Variants in SLC35F1 observed in about 807,000 individuals in gnomAD.
SLC35F1 encodes solute carrier family 35 member F1.
A neutral mutation model predicts 48.7 loss-of-function variants in SLC35F1; 14 were observed. That is an observed-to-expected ratio of 0.29 (90% CI 0.19 to 0.45). SLC35F1 has a LOEUF of 0.45. Among genes scored for constraint, SLC35F1 ranks in the 20% least tolerant of loss-of-function variants. The pLI is 1.00. For synonymous variants in SLC35F1, 190 were observed against 202.2 expected, an observed-to-expected ratio of 0.94 and a Z score of 0.51; for missense variants, 404 against 500.0, an observed-to-expected ratio of 0.81 and a Z score of 1.83.
intron 4 of SLC35F1, among the ~76,000 whole-genome samples, chr6:118,273,816 C>T (rs1775887388): frequency 6.6e-6 from 1 of 152,198 alleles, no homozygotes; most frequent in Admixed American, 6.5e-5. Context: ...CCAGCTCTCA[C>T]AAAATCCCAT....
chr6:118,023,049 T>C (rs1777417363), intron 1 of SLC35F1, among the ~76,000 whole-genome samples: 1 of 152,138 alleles, frequency 6.6e-6, no homozygotes, highest in Non-Finnish European at 1.5e-5. Context: ...TGAGCCACCA[T>C]GCCCGGCCGG....
At chr6:117,915,619 A>T (rs371364698) in intron 1 of SLC35F1, among the ~76,000 whole-genome samples, 6 of 152,320 alleles carry the variant, frequency 3.9e-5, no homozygotes, top group Admixed American at 2.6e-4. Flanking sequence ...AGAGGGAATT[A>T]AGGCTAGATT....
intron 7 of SLC35F1, among the ~76,000 whole-genome samples, chr6:118,287,888 A>G (rs1776070178): frequency 6.6e-6 from 1 of 152,186 alleles, no homozygotes; most frequent in African/African-American, 2.4e-5. Flanking sequence ...CTGAAGAGGA[A>G]ACCATGTAGT....
chr6:117,939,629 G>A (rs1776203976), intron 1 of SLC35F1, among the ~76,000 whole-genome samples: 1 of 152,160 alleles, frequency 6.6e-6, no homozygotes, highest in African/African-American at 2.4e-5. Context: ...AAAAGTACCA[G>A]TTAAAAAGGA....
rs551952802 is a variant in SLC35F1, at chr6:117,945,078, AT to A, written c.173+37180del. On this transcript the variant is annotated intron_variant, in intron 1 of 7. Coordinates refer to ENST00000360388, the MANE Select transcript of SLC35F1 (RefSeq NM_001029858.4). Reference sequence around the variant, plus strand: ...TCCATTTGGGGGAAGACAGATGATAATAAGTTACATATATAAATATATATGG... The same window carrying A: ...TCCATTTGGGGGAAGACAGATGATAAAAGTTACATATATAAATATATATGG... Among the ~76,000 whole-genome samples the A allele has an allele frequency of 7.9e-5, 12 of 152,306 alleles. No homozygotes were observed. In the South Asian group the frequency reaches 2.5e-3, roughly 32 times the overall value.
chr6:118,306,207 C>A lies in SLC35F1; in HGVS notation c.1003-7821C>A, dbSNP rs182582116. ...CAGCCTTAACTTTCAGTGCATGGAA[C>A]CTTTGTTCTGTCTTCCGGCAGAAGC... On this transcript the variant is annotated intron_variant, in intron 7 of 7. Coordinates refer to ENST00000360388, the MANE Select transcript of SLC35F1 (RefSeq NM_001029858.4). Among the ~76,000 whole-genome samples the A allele has an allele frequency of 2.9e-4, 36 of 126,220 alleles. 1 individual carries two copies. The highest frequency in any genetic ancestry group is 1.8e-3 in the Admixed American group (25 of 13,738). 82.8% of individuals were successfully genotyped at this position (126,220 alleles called of 152,430 possible).
At chr6:118,210,041 A>G (rs902888683) in intron 2 of SLC35F1, among the ~76,000 whole-genome samples, 1 of 152,208 alleles carries the variant, frequency 6.6e-6, no homozygotes, top group African/African-American at 2.4e-5. Context: ...AGTGGAAACA[A>G]TAACTGTAGT....
intron 1 of SLC35F1, among the ~76,000 whole-genome samples, chr6:118,098,869 A>G (rs1475244887): frequency 6.6e-6 from 1 of 152,180 alleles, no homozygotes; most frequent in African/African-American, 2.4e-5. Flanking sequence ...GAAGAGGAGA[A>G]GCAGAGGGGA....
chr6:118,055,298 T>C (rs1772448158), intron 1 of SLC35F1, among the ~76,000 whole-genome samples: 1 of 152,200 alleles, frequency 6.6e-6, no homozygotes, highest in Admixed American at 6.5e-5. Context: ...TTGTATTTGG[T>C]TTATCAATGA....
chr6:118,166,093 G>T (rs1474445203), intron 2 of SLC35F1, among the ~76,000 whole-genome samples: 3 of 151,976 alleles, frequency 2.0e-5, no homozygotes, highest in Non-Finnish European at 4.4e-5. Flanking sequence ...GGCAAGATAA[G>T]AATGTTCTAT....
chr6:117,971,612 A>G (rs4946309), intron 1 of SLC35F1, among the ~76,000 whole-genome samples: 56,476 of 152,188 alleles, frequency 0.37, 11,041 homozygotes, highest in South Asian at 0.52. Flanking sequence ...TCATTTCCAT[A>G]CATCCTCTGA....
chr6:117,911,646 C>T (rs187109590), intron 1 of SLC35F1, among the ~76,000 whole-genome samples: 159 of 152,108 alleles, frequency 1.0e-3, no homozygotes, highest in African/African-American at 3.6e-3. Flanking sequence ...AGGTCTCGTT[C>T]TGTTTCCCAG....
chr6:118,219,217 A>T (rs2114560299), intron 2 of SLC35F1, among the ~76,000 whole-genome samples: 1 of 152,316 alleles, frequency 6.6e-6, no homozygotes. Context: ...AGAGACCTTA[A>T]GTTCTATGGA....
intron 1 of SLC35F1, among the ~76,000 whole-genome samples, chr6:117,945,882 C>T (rs1183632265): frequency 2.0e-5 from 3 of 152,074 alleles, no homozygotes; most frequent in South Asian, 4.1e-4. Flanking sequence ...AGATGGGTCT[C>T]GGAAGATCTT....
chr6:117,923,723 A>ACATATGTATATATG lies in SLC35F1; in HGVS notation c.173+15824_173+15825insCATATGTATATATG, dbSNP rs1562238919. ...TACATATATGTACATATATACATAT[A>ACATATGTATATATG]TACATATGTATATATACATATATGT... On this transcript the variant is annotated intron_variant, in intron 1 of 7. Transcript: ENST00000360388. Among the ~76,000 whole-genome samples, 51 of 67,960 alleles carry ACATATGTATATATG rather than the reference A, an allele frequency of 7.5e-4. 8 individuals are homozygous for ACATATGTATATATG. The highest frequency in any genetic ancestry group is 4.2e-3 in the African/African-American group (43 of 10,280). The allele number at this position is 67,960 out of a possible 152,430, so 44.6% of individuals were successfully genotyped here.
chr6:118,256,205 G>GGGGTGT (rs1429180576), intron 3 of SLC35F1, among the ~76,000 whole-genome samples: 2 of 143,126 alleles, frequency 1.4e-5, no homozygotes, highest in African/African-American at 5.4e-5. Context: ...GAAGACTTCT[G>GGGGTGT]GTGTGTGTGT....
chr6:118,138,278 A>G (rs1360460105), intron 1 of SLC35F1, among the ~76,000 whole-genome samples: 1 of 151,040 alleles, frequency 6.6e-6, no homozygotes, highest in Non-Finnish European at 1.5e-5. Context: ...ACTGCACTTC[A>G]GCCTTGTATC....
At chr6:118,276,791 C>G (rs1775923121) in intron 5 of SLC35F1, among the ~76,000 whole-genome samples, 1 of 152,086 alleles carries the variant, frequency 6.6e-6, no homozygotes, top group Admixed American at 6.6e-5. Flanking sequence ...GTTGAGTGTT[C>G]CCTTTGGGGG....
chr6:118,210,325 G>A (rs986769660), intron 2 of SLC35F1, among the ~76,000 whole-genome samples: 3 of 152,134 alleles, frequency 2.0e-5, no homozygotes, highest in African/African-American at 7.2e-5. Context: ...TCCTTCTGAA[G>A]ACTTTTTCCC....
Sources: allele counts gnomAD v4.1 joint callset (sites outside exome capture counted in the v4.1 genomes callset), GRCh38; gene constraint gnomAD v4.1.1; transcripts MANE v1.5; gene names NCBI Gene and HGNC (gene_info 2026-07-23, HGNC 2026-07-21).